ENDOU: variants seen among roughly 807,000 people sequenced by gnomAD.
ENDOU encodes the protein uridylate-specific endoribonuclease.
Under a neutral mutation model 54.2 loss-of-function variants are expected in ENDOU, and 49 were observed. The ratio of observed to expected loss-of-function variants is 0.90; its 90% CI spans 0.72 to 1.15. ENDOU has a LOEUF of 1.15. Ranked by LOEUF, ENDOU falls within the 50% of genes most tolerant of loss-of-function variation. The probability of loss-of-function intolerance (pLI) is 0.00; values close to 1 mark genes in which losing one functional copy is unlikely to be tolerated. For missense variants in ENDOU, 458 were observed against 511.4 expected (o/e 0.90, Z 1.01); for synonymous variants, 172 against 190.5 (o/e 0.90, Z 0.80).
At position 47,712,880 on chromosome 12, in the gene ENDOU, C is replaced by G. The variant is rs375622169; in HGVS notation, c.866-258G>C. Among the ~76,000 whole-genome samples, 4 of 152,236 alleles carry G rather than the reference C, an allele frequency of 2.6e-5. No homozygotes were observed. The East Asian group carries it at 7.7e-4, about 29-fold the overall frequency. On this transcript the variant is annotated intron_variant, in intron 7 of 9. Transcript: ENST00000422538. ...CCTCTCTCAGCCATTACTCCAGCAG[C>G]AAGCCAGGCTTGGTGGGAGTTTTAT... is the stretch of plus-strand genomic sequence containing the variant.
chr12:47,717,593 G>T lies in ENDOU; in HGVS notation c.307C>A (p.Gln103Lys). 2 of 1,614,158 alleles carry T rather than the reference G, an allele frequency of 1.2e-6. No homozygotes were observed. The highest frequency in any genetic ancestry group is 8.5e-7 in the Non-Finnish European group (1 of 1,180,018). The change falls in exon 4 of 10, where the codon CAA becomes AAA. Residue 103 changes from glutamine to lysine, a missense_variant. Physicochemically the swap from Gln to Lys is moderately conservative, Grantham distance 53. Coordinates refer to ENST00000422538, the MANE Select transcript of ENDOU (RefSeq NM_001172439.2). ...RCYEAFDKHH[Q>K]CHCNARCQEF... ...TGGCAGCGGGCATTGCAGTGACATT[G>T]GTGGTGCTTGTCAAAGGCTTCGTAG...
Position 47,725,472 on chromosome 12 carries a change from A to T in ENDOU, c.-59T>A. On this transcript the variant is annotated 5_prime_UTR_variant, in exon 1 of 10. Coordinates refer to ENST00000422538, the MANE Select transcript of ENDOU (RefSeq NM_001172439.2). Reference sequence around the variant, plus strand: ...GTTGGACTTTCACTAGAGTCAGATGAATGTCACAGCTCTCAGACGAGCCTT... The same window carrying T: ...GTTGGACTTTCACTAGAGTCAGATGTATGTCACAGCTCTCAGACGAGCCTT... 3 of 1,519,352 alleles carry T rather than the reference A, an allele frequency of 2.0e-6. No individual in the cohort carries two copies. The highest frequency in any genetic ancestry group is 2.7e-6 in the Non-Finnish European group (3 of 1,095,340). 94.1% of individuals were successfully genotyped at this position (1,519,352 alleles called of 1,614,324 possible).
At chr12:47,722,824 A>C (rs772623495) in intron 1 of ENDOU, among the ~76,000 whole-genome samples, 3 of 152,324 alleles carry the variant, frequency 2.0e-5, no homozygotes, top group Non-Finnish European at 1.5e-5. Flanking sequence ...TCAGGCCTCC[A>C]AGGTGGGCAG....
intron 2 of ENDOU, 133 bp from the exon 3 acceptor site, chr12:47,718,327 G>A: frequency 1.5e-6 from 1 of 686,210 alleles, no homozygotes; most frequent in South Asian, 1.7e-5. Context: ...AGGGGCTGGG[G>A]TCCAATGGAC....
chr12:47,715,622 C>T (rs1300634229), intron 6 of ENDOU, among the ~76,000 whole-genome samples: 7 of 152,162 alleles, frequency 4.6e-5, no homozygotes, highest in Non-Finnish European at 7.4e-5. Flanking sequence ...AGGGAAGACC[C>T]GGACAGAGCC....
rs1347201269 is a variant in ENDOU at position 47,716,203 on chromosome 12, C to T, written c.751+97G>A. On this transcript the variant is annotated intron_variant, in intron 6 of 9. Coordinates refer to ENST00000422538, the MANE Select transcript of ENDOU (RefSeq NM_001172439.2). The stretch of plus-strand genomic sequence containing the variant: ...ACACTGACCTCCACAGAGTCCCCAC[C>T]GCCTCCTCACCTGCCCTCCTAACCT... The T allele has an allele frequency of 1.1e-5, 13 of 1,176,410 alleles. No individual in the cohort carries two copies. In the East Asian group the frequency reaches 1.2e-4, roughly 11 times the overall value. The allele number at this position is 1,176,410 out of a possible 1,614,324, so 72.9% of individuals were successfully genotyped here. A position where few individuals can be genotyped will look rare whatever the true frequency, so the allele number is the denominator to read the frequency against.
intron 2 of ENDOU, among the ~76,000 whole-genome samples, chr12:47,718,814 G>A (rs1368527651): frequency 6.6e-6 from 1 of 152,060 alleles, no homozygotes; most frequent in East Asian, 1.9e-4. Flanking sequence ...TGATGCAGGG[G>A]GGAGAAATGT....
chr12:47,714,893 C>G (rs981326609), intron 6 of ENDOU, among the ~76,000 whole-genome samples: 6 of 152,212 alleles, frequency 3.9e-5, no homozygotes, highest in African/African-American at 1.4e-4. Context: ...CAGACATATT[C>G]CTTCCTTTCC....
At chr12:47,719,054 T>C (rs1940350709) in intron 2 of ENDOU, 1 of 152,244 alleles carries the variant, frequency 6.6e-6, no homozygotes, top group Non-Finnish European at 1.5e-5. Flanking sequence ...TGGCAATCCA[T>C]GGAGTTCTGA....
intron 3 of ENDOU, 27 bp from the exon 4 acceptor site, chr12:47,717,682 G>C: frequency 6.2e-7 from 1 of 1,611,076 alleles, no homozygotes; most frequent in South Asian, 1.1e-5. Flanking sequence ...GGTGTGTCCC[G>C]GGCTGACCTC....
At chr12:47,710,968 C>T (rs766726860) in intron 9 of ENDOU, 49 bp from the exon 10 acceptor site, 7 of 1,268,064 alleles carry the variant, frequency 5.5e-6, no homozygotes, top group South Asian at 2.5e-5. Flanking sequence ...TTCACGCTGC[C>T]TCTCCCTGGG....
chr12:47,724,964 G>A (rs746524635), intron 1 of ENDOU, among the ~76,000 whole-genome samples: 2 of 152,144 alleles, frequency 1.3e-5, no homozygotes, highest in Non-Finnish European at 2.9e-5. Flanking sequence ...CCAGGCAGTG[G>A]AAGGAGTGAC....
At chr12:47,716,625 G>A (rs1940247129) in intron 5 of ENDOU, 126 bp from the exon 6 acceptor site, 4 of 826,430 alleles carry the variant, frequency 4.8e-6, no homozygotes, top group South Asian at 3.4e-5. Context: ...GGGGCACTTC[G>A]GGTACTCTTG....
chr12:47,711,606 C>G, intron 9 of ENDOU, 27 bp downstream of exon 9: 1 of 1,607,748 alleles, frequency 6.2e-7, no homozygotes. Flanking sequence ...CCAGTCTGCC[C>G]CCAGGCCTGG....
chr12:47,722,164 A>G (rs1940453109), intron 1 of ENDOU, among the ~76,000 whole-genome samples: 4 of 152,200 alleles, frequency 2.6e-5, no homozygotes, highest in Admixed American at 2.6e-4. Flanking sequence ...GATTCAATAC[A>G]GGTGTAGTAT....
Position 47,724,862 on chromosome 12 carries a change from G to A in ENDOU, c.55+497C>T, listed in dbSNP as rs112032792. Among the ~76,000 whole-genome samples, 1,004 of 152,176 alleles carry A rather than the reference G, an allele frequency of 6.6e-3. 6 individuals are homozygous for A. The highest frequency in any genetic ancestry group is 0.022 in the African/African-American group (917 of 41,502). On this transcript the variant is annotated intron_variant, in intron 1 of 9. Coordinates refer to ENST00000422538, the MANE Select transcript of ENDOU (RefSeq NM_001172439.2). Reference sequence around the variant, plus strand: ...CCAGATAGGACGAGGCCCACCTCCTGGTCAAAGGTCCTTTCAGTTTCCTCC... The same window carrying A: ...CCAGATAGGACGAGGCCCACCTCCTAGTCAAAGGTCCTTTCAGTTTCCTCC...
intron 6 of ENDOU, among the ~76,000 whole-genome samples, chr12:47,715,594 G>T (rs1239317653): frequency 1.3e-5 from 2 of 152,204 alleles, no homozygotes; most frequent in Non-Finnish European, 1.5e-5. Flanking sequence ...CTGAGCCAAG[G>T]CACTCTCAGG....
At chr12:47,724,060 G>A (rs955915695) in intron 1 of ENDOU, among the ~76,000 whole-genome samples, 4 of 152,102 alleles carry the variant, frequency 2.6e-5, no homozygotes, top group African/African-American at 4.8e-5. Flanking sequence ...ACTGCCCTCC[G>A]ACCTAGCAGC....
intron 2 of ENDOU, 179 bp downstream of exon 2, chr12:47,720,574 C>T: frequency 2.1e-6 from 1 of 484,646 alleles, no homozygotes; most frequent in Non-Finnish European, 3.5e-6. Flanking sequence ...TTGGGGGCAT[C>T]CTAGAAAACC....
Sources: allele counts gnomAD v4.1 joint callset (sites outside exome capture counted in the v4.1 genomes callset), GRCh38; gene constraint gnomAD v4.1.1; transcripts MANE v1.5; gene names NCBI Gene and HGNC (gene_info 2026-07-23, HGNC 2026-07-21).